Variants in PRKCA observed in about 807,000 individuals in gnomAD.
PRKCA encodes the protein protein kinase C alpha type.
A neutral mutation model predicts 87.0 loss-of-function variants in PRKCA; 27 were observed. The ratio of observed to expected loss-of-function variants is 0.31; its 90% CI spans 0.23 to 0.43. The LOEUF is 0.43. Ranked by LOEUF, PRKCA falls within the 20% of genes least tolerant of loss-of-function variation. The pLI is 1.00. For missense variants in PRKCA, 518 were observed against 852.3 expected, an observed-to-expected ratio of 0.61 and a Z score of 4.88; for synonymous variants, 329 against 311.1, an observed-to-expected ratio of 1.06 and a Z score of -0.61.
chr17:66,780,003 C>T (rs570614831), intron 14 of PRKCA, among the ~76,000 whole-genome samples: 1 of 152,296 alleles, frequency 6.6e-6, no homozygotes, highest in East Asian at 1.9e-4. Flanking sequence ...TTCACCGTTC[C>T]CTTGCCTTCA....
intron 5 of PRKCA, among the ~76,000 whole-genome samples, chr17:66,678,665 GAAA>G (rs34094513): frequency 7.2e-6 from 1 of 138,916 alleles, no homozygotes. Flanking sequence ...CTTGTTGACT[GAAA>G]AAAAAAAAAA....
rs137982049 is a variant in PRKCA, at chr17:66,747,893, C to T, written c.1524+5133C>T. 7.7e-4 allele frequency among the ~76,000 whole-genome samples: 118 copies of T among 152,306 alleles called. No individual in the cohort carries two copies. In the Middle Eastern group the frequency reaches 0.01, roughly 13 times the overall value. On this transcript the variant is annotated intron_variant, in intron 13 of 16. Coordinates refer to ENST00000413366, the MANE Select transcript of PRKCA (RefSeq NM_002737.3). ...CTGTTGGCATATTCAGGGTGCCCCCCGAGTGCTGGGCACTGTTCCAGGCCG... is the reference window on the plus strand; with the variant it reads ...CTGTTGGCATATTCAGGGTGCCCCCTGAGTGCTGGGCACTGTTCCAGGCCG...
intron 1 of PRKCA, among the ~76,000 whole-genome samples, chr17:66,303,558 C>T (rs988257931): frequency 2.3e-4 from 35 of 152,116 alleles, no homozygotes; most frequent in African/African-American, 7.9e-4. Context: ...CATCTTGGGC[C>T]CCTGCCTACT....
chr17:66,513,782 A>T (rs1966878872), intron 3 of PRKCA, among the ~76,000 whole-genome samples: 1 of 152,228 alleles, frequency 6.6e-6, no homozygotes, highest in East Asian at 1.9e-4. Context: ...CTAGGTGCAA[A>T]AGCTTAATAT....
intron 2 of PRKCA, among the ~76,000 whole-genome samples, chr17:66,427,798 T>C (rs1269181519): frequency 1.3e-5 from 2 of 152,046 alleles, no homozygotes; most frequent in African/African-American, 2.4e-5. Flanking sequence ...AGGGAATGAG[T>C]GGGAAGATCA....
At chr17:66,582,124 T>A (rs1019853903) in intron 3 of PRKCA, among the ~76,000 whole-genome samples, 9 of 152,182 alleles carry the variant, frequency 5.9e-5, no homozygotes, top group Non-Finnish European at 1.5e-5. Context: ...TCTACTGAGG[T>A]CTTGTATACA....
intron 2 of PRKCA, among the ~76,000 whole-genome samples, chr17:66,474,476 C>T (rs1039504467): frequency 6.6e-6 from 1 of 152,172 alleles, no homozygotes; most frequent in Non-Finnish European, 1.5e-5. Context: ...TTAAGCTACA[C>T]TCTTGCAAAA....
At chr17:66,729,247 A>G (rs899960663) in intron 8 of PRKCA, among the ~76,000 whole-genome samples, 2 of 151,818 alleles carry the variant, frequency 1.3e-5, no homozygotes, top group African/African-American at 4.8e-5. Flanking sequence ...ACTAAAAATA[A>G]AAAAAAATTA....
intron 5 of PRKCA, among the ~76,000 whole-genome samples, chr17:66,685,960 C>T (rs8070293): frequency 0.27 from 41,652 of 152,032 alleles, 6,071 homozygotes; most frequent in East Asian, 0.44. Flanking sequence ...TTGCCAGTGC[C>T]GCCGGTCCAG....
intron 3 of PRKCA, among the ~76,000 whole-genome samples, chr17:66,501,751 A>G (rs1916741770): frequency 6.6e-6 from 1 of 152,178 alleles, no homozygotes. Context: ...GTGTTTAGAA[A>G]TGGCTTCTCC....
chr17:66,739,478 G>C (rs763145272), intron 11 of PRKCA, among the ~76,000 whole-genome samples: 6 of 152,222 alleles, frequency 3.9e-5, no homozygotes, highest in Admixed American at 6.5e-5. Flanking sequence ...CGAAAGGAAC[G>C]AGGTGCTCCC....
chr17:66,499,789 A>G (rs1019374650), intron 3 of PRKCA, among the ~76,000 whole-genome samples: 7 of 152,154 alleles, frequency 4.6e-5, no homozygotes, highest in African/African-American at 1.4e-4. Flanking sequence ...TTAATGTGAA[A>G]GAGAAAGAGG....
chr17:66,609,551 G>A (rs28609027), intron 3 of PRKCA, among the ~76,000 whole-genome samples: 4,259 of 152,238 alleles, frequency 0.028, 206 homozygotes, highest in African/African-American at 0.094. Flanking sequence ...TAGATAAGTT[G>A]CCTGTCATGT....
chr17:66,550,719 A>C (rs1968300035), intron 3 of PRKCA, among the ~76,000 whole-genome samples: 1 of 152,106 alleles, frequency 6.6e-6, no homozygotes, highest in Non-Finnish European at 1.5e-5. Flanking sequence ...GGGCAAAGGA[A>C]AGCACAGTCC....
chr17:66,534,451 A>G (rs1967692719), intron 3 of PRKCA, among the ~76,000 whole-genome samples: 1 of 152,090 alleles, frequency 6.6e-6, no homozygotes, highest in Non-Finnish European at 1.5e-5. Context: ...GCGGATCACG[A>G]GGTCAAGAGA....
chr17:66,307,141 T>C (rs934283653), intron 2 of PRKCA, among the ~76,000 whole-genome samples: 1 of 152,188 alleles, frequency 6.6e-6, no homozygotes, highest in Non-Finnish European at 1.5e-5. Flanking sequence ...AAACATATTT[T>C]AGATGGGAGT....
At chr17:66,500,175 A>G (rs1916667442) in intron 3 of PRKCA, among the ~76,000 whole-genome samples, 1 of 152,216 alleles carries the variant, frequency 6.6e-6, no homozygotes, top group South Asian at 2.1e-4. Context: ...AGCTGGTGCC[A>G]GATACAGAAT....
intron 5 of PRKCA, among the ~76,000 whole-genome samples, chr17:66,681,903 G>T (rs2110228): frequency 6.6e-6 from 1 of 152,146 alleles, no homozygotes; most frequent in East Asian, 1.9e-4. Context: ...GGTCACTCCC[G>T]CCTGGCTTCC....
At chr17:66,500,972 G>A (rs228873) in intron 3 of PRKCA, among the ~76,000 whole-genome samples, 122,652 of 151,932 alleles carry the variant, frequency 0.81, 49,860 homozygotes, top group African/African-American at 0.9. Flanking sequence ...TTTTTTTTTC[G>A]TACCATGGAG....
Sources: allele counts gnomAD v4.1 joint callset (sites outside exome capture counted in the v4.1 genomes callset), GRCh38; gene constraint gnomAD v4.1.1; transcripts MANE v1.5; gene names NCBI Gene and HGNC (gene_info 2026-07-23, HGNC 2026-07-21).